The following FAXDC2 variants were observed in gnomAD, a reference collection of about 807,000 sequenced individuals.
The protein encoded by FAXDC2 is fatty acid hydroxylase domain containing 2.
A neutral mutation model predicts 40.9 loss-of-function variants in FAXDC2; 41 were observed. That is an observed-to-expected ratio of 1.00 (90% confidence interval 0.78 to 1.30). The LOEUF is 1.30. Among genes scored for constraint, FAXDC2 ranks in the 50% most tolerant of loss-of-function variants. The probability of loss-of-function intolerance (pLI) is 0.00; values close to 1 mark genes in which losing one functional copy is unlikely to be tolerated. For missense variants in FAXDC2, 390 were observed against 408.8 expected (o/e 0.95, Z 0.40); for synonymous variants, 157 against 149.3 (o/e 1.05, Z -0.38).
chr5:154,835,883 C>CTTT lies in FAXDC2; in HGVS notation c.49-952_49-950dup, dbSNP rs869068025. ...GGAGTGAGCCACCGCGCCCGGCCGA[C>CTTT]TTTTTTTTTTTTTTTTTTTTTTTTT... On this transcript the variant is annotated intron_variant, in intron 2 of 8. Transcript: ENST00000326080. Among the ~76,000 whole-genome samples, 14 of 47,868 alleles carry CTTT rather than the reference C, an allele frequency of 2.9e-4. 2 individuals are homozygous for CTTT. Among genetic ancestry groups the CTTT allele is most frequent in the South Asian group, 1.3e-3 (2 of 1,520 alleles). The allele number at this position is 47,868 out of a possible 152,430, so 31.4% of individuals were successfully genotyped here. A position where few individuals can be genotyped will look rare whatever the true frequency, so the allele number is the denominator to read the frequency against.
intron 5 of FAXDC2, among the ~76,000 whole-genome samples, chr5:154,827,238 G>A (rs1760059804): frequency 1.3e-5 from 2 of 151,678 alleles, no homozygotes; most frequent in African/African-American, 4.8e-5. Flanking sequence ...CCAGGAAGTG[G>A]AGGTTACGGT....
At chr5:154,840,702 C>G (rs1760456711) in intron 1 of FAXDC2, among the ~76,000 whole-genome samples, 1 of 152,128 alleles carries the variant, frequency 6.6e-6, no homozygotes, top group Non-Finnish European at 1.5e-5. Flanking sequence ...AGGCACATAC[C>G]ACCATACCCA....
At position 154,823,601 on chromosome 5, in the gene FAXDC2, G is replaced by T; in HGVS notation, c.367-9C>A. ...AGTTTCACAGGATCCACCTGCCCAA[G>T]GGAAGGGAGGAGGGAGATGGATAAG... is the stretch of plus-strand genomic sequence containing the variant. On this transcript the variant is annotated splice_polypyrimidine_tract_variant and intron_variant, in intron 5 of 8. Coordinates refer to ENST00000326080, the MANE Select transcript of FAXDC2 (RefSeq NM_032385.5). 6.2e-7 allele frequency: 1 copy of T among 1,611,908 alleles called. No individual in the cohort carries two copies. The highest frequency in any genetic ancestry group is 1.1e-5 in the South Asian group (1 of 90,970).
At position 154,845,954 on chromosome 5, in the gene FAXDC2, T is replaced by C. The variant is rs1364659084; in HGVS notation, c.-1+4529A>G. Among the ~76,000 whole-genome samples, 12 of 150,842 alleles carry C rather than the reference T, an allele frequency of 8.0e-5. No homozygotes were observed. The East Asian group carries it at 2.3e-3, about 29-fold the overall frequency. On this transcript the variant is annotated intron_variant, in intron 1 of 8. Coordinates refer to ENST00000326080, the MANE Select transcript of FAXDC2 (RefSeq NM_032385.5). Reference sequence around the variant, plus strand: ...GCATGCGTCACCACACCCAGCTAATTTTTGTATATATATATATATATTTTT... The same window carrying C: ...GCATGCGTCACCACACCCAGCTAATCTTTGTATATATATATATATATTTTT...
At chr5:154,824,754 G>C (rs2113126056) in intron 5 of FAXDC2, 1 of 570,806 alleles carries the variant, frequency 1.8e-6, no homozygotes, top group East Asian at 2.9e-5. Flanking sequence ...TGGAATTTAT[G>C]TTCCAGTGAG....
intron 5 of FAXDC2, among the ~76,000 whole-genome samples, chr5:154,825,359 T>G (rs372187230): frequency 0.41 from 3,946 of 9,708 alleles, 199 homozygotes; most frequent in African/African-American, 0.49. Context: ...AGAGCAAGAC[T>G]CCATCAAAAA....
At chr5:154,849,441 C>T (rs142751695) in intron 1 of FAXDC2, among the ~76,000 whole-genome samples, 1,635 of 151,994 alleles carry the variant, frequency 0.011, 11 homozygotes, top group Middle Eastern at 0.017. Context: ...TCCATGAGGC[C>T]GAGAATCTGC....
chr5:154,845,736 T>C (rs1760583870), intron 1 of FAXDC2, among the ~76,000 whole-genome samples: 1 of 150,104 alleles, frequency 6.7e-6, no homozygotes, highest in African/African-American at 2.4e-5. Flanking sequence ...ATTTTCCAAC[T>C]GAAGAAACAG....
chr5:154,834,994 A>C, intron 2 of FAXDC2, 60 bp from the exon 3 acceptor site: 198 of 1,053,872 alleles, frequency 1.9e-4, no homozygotes, highest in Non-Finnish European at 2.6e-4. Context: ...CACCCAGCTC[A>C]CTGCTGAGGC....
At chr5:154,839,340 A>AG (rs1306732066) in intron 1 of FAXDC2, among the ~76,000 whole-genome samples, 1 of 151,584 alleles carries the variant, frequency 6.6e-6, no homozygotes, top group Non-Finnish European at 1.5e-5. Context: ...AAAAAAAAAA[A>AG]AAGAAAAGAA....
chr5:154,847,227 G>A (rs1760619693), intron 1 of FAXDC2, among the ~76,000 whole-genome samples: 1 of 151,944 alleles, frequency 6.6e-6, no homozygotes, highest in African/African-American at 2.4e-5. Flanking sequence ...AAAGTGCTGG[G>A]ATTCCAGGCA....
At chr5:154,824,374 G>T (rs1759968026) in intron 5 of FAXDC2, 2 of 655,680 alleles carry the variant, frequency 3.1e-6, no homozygotes, top group South Asian at 3.4e-5. Context: ...GGTTAGAAGG[G>T]ATTTCTCCAA....
intron 5 of FAXDC2, among the ~76,000 whole-genome samples, chr5:154,830,175 T>G (rs1471961016): frequency 6.6e-6 from 1 of 152,158 alleles, no homozygotes; most frequent in Non-Finnish European, 1.5e-5. Context: ...TCTTCCTTGT[T>G]GTGTAGGAAA....
At chr5:154,848,153 A>G (rs1256414968) in intron 1 of FAXDC2, among the ~76,000 whole-genome samples, 1 of 152,082 alleles carries the variant, frequency 6.6e-6, no homozygotes, top group East Asian at 1.9e-4. Flanking sequence ...GAATGTTCCT[A>G]TTTTATAGAT....
At chr5:154,825,327 A>G (rs1316823017) in intron 5 of FAXDC2, among the ~76,000 whole-genome samples, 1 of 140,760 alleles carries the variant, frequency 7.1e-6, no homozygotes. Flanking sequence ...AGATCATGCC[A>G]CTGCACTCTA....
chr5:154,833,338 A>T (rs549245965), intron 4 of FAXDC2, among the ~76,000 whole-genome samples: 20 of 141,588 alleles, frequency 1.4e-4, no homozygotes, highest in African/African-American at 3.7e-4. Context: ...ATCTTGGCCT[A>T]TCTTAATTTT....
At chr5:154,828,956 G>T (rs2113137104) in intron 5 of FAXDC2, among the ~76,000 whole-genome samples, 1 of 143,038 alleles carries the variant, frequency 7.0e-6, no homozygotes, top group East Asian at 2.0e-4. Flanking sequence ...GTCTTGCTCT[G>T]TCGCCCAGGC....
intron 5 of FAXDC2, among the ~76,000 whole-genome samples, chr5:154,829,888 G>A (rs1388026587): frequency 6.6e-6 from 1 of 152,200 alleles, no homozygotes; most frequent in African/African-American, 2.4e-5. Flanking sequence ...GGGCCTGGAG[G>A]AAGCCCCCAA....
intron 1 of FAXDC2, among the ~76,000 whole-genome samples, chr5:154,844,217 C>CAA (rs111475143): frequency 7.5e-6 from 1 of 132,588 alleles, no homozygotes; most frequent in African/African-American, 2.8e-5. Flanking sequence ...GACTCTGTCT[C>CAA]AAAAAAAAAA....
Sources: allele counts gnomAD v4.1 joint callset (sites outside exome capture counted in the v4.1 genomes callset), GRCh38; gene constraint gnomAD v4.1.1; transcripts MANE v1.5; gene names NCBI Gene and HGNC (gene_info 2026-07-23, HGNC 2026-07-21).